SLC13A3: variants seen among roughly 807,000 people sequenced by gnomAD.
SLC13A3 encodes Na(+)/dicarboxylate cotransporter 3.
A neutral mutation model predicts 59.0 loss-of-function variants in SLC13A3; 40 were observed. The observed-to-expected ratio is 0.68, with a 90% CI of 0.53 to 0.88. The LOEUF is 0.88. SLC13A3 is among the 40% of genes least tolerant of loss of function. The pLI is 0.00. For synonymous variants in SLC13A3, 317 were observed against 330.3 expected (o/e 0.96, Z 0.44); for missense variants, 699 against 783.2 (o/e 0.89, Z 1.28).
At chr20:46,598,681 G>C (rs1282711879) in intron 4 of SLC13A3, among the ~76,000 whole-genome samples, 1 of 152,104 alleles carries the variant, frequency 6.6e-6, no homozygotes, top group African/African-American at 2.4e-5. Flanking sequence ...GATGAAACAG[G>C]CATAAGGTCA....
intron 1 of SLC13A3, among the ~76,000 whole-genome samples, chr20:46,681,266 T>C (rs1340005454): frequency 6.6e-6 from 1 of 152,194 alleles, no homozygotes; most frequent in Non-Finnish European, 1.5e-5. Flanking sequence ...GTCTCCCTCA[T>C]TACATGGTGC....
At chr20:46,664,347 A>T (rs1476562191) in intron 1 of SLC13A3, among the ~76,000 whole-genome samples, 3 of 152,152 alleles carry the variant, frequency 2.0e-5, no homozygotes, top group African/African-American at 7.2e-5. Flanking sequence ...TTGACACCCA[A>T]CAGCTTTGGG....
chr20:46,657,640 TAAAG>T (rs1329770978), intron 1 of SLC13A3, among the ~76,000 whole-genome samples: 1 of 152,084 alleles, frequency 6.6e-6, no homozygotes, highest in Non-Finnish European at 1.5e-5. Context: ...TGCATTGCTA[TAAAG>T]AAATATGTGA....
At chr20:46,639,355 G>A (rs954214376) in intron 1 of SLC13A3, among the ~76,000 whole-genome samples, 2 of 152,078 alleles carry the variant, frequency 1.3e-5, no homozygotes, top group South Asian at 2.1e-4. Flanking sequence ...CCAGCTACTC[G>A]GGAGGCTGAG....
At chr20:46,570,414 T>C (rs1166589278) in intron 10 of SLC13A3, among the ~76,000 whole-genome samples, 1 of 152,208 alleles carries the variant, frequency 6.6e-6, no homozygotes, top group Non-Finnish European at 1.5e-5. Context: ...ATTGAGAATA[T>C]TGAAGTAGAA....
rs1477437296 is a variant in SLC13A3 at position 46,610,665 on chromosome 20, C to T, written c.378-56G>A. 6 of 1,480,066 alleles carry T rather than the reference C, an allele frequency of 4.1e-6. No individual in the cohort carries two copies. The South Asian group carries it at 5.2e-5, about 13-fold the overall frequency. 91.7% of individuals were successfully genotyped at this position (1,480,066 alleles called of 1,614,324 possible). On this transcript the variant is annotated intron_variant, in intron 2 of 12. Coordinates refer to ENST00000279027, the MANE Select transcript of SLC13A3 (RefSeq NM_022829.6). ...CAGAACCCAGGGCCCAGGAGATCCT[C>T]TGGTCCCAGTTTGCCATCCCTGAGG...
chr20:46,650,373 A>C (rs2062940768), intron 1 of SLC13A3, among the ~76,000 whole-genome samples: 1 of 152,268 alleles, frequency 6.6e-6, no homozygotes, highest in Middle Eastern at 3.4e-3. Context: ...TCTCCTCTGG[A>C]AAATGGGTCA....
At chr20:46,679,958 A>G (rs2063146452) in intron 1 of SLC13A3, among the ~76,000 whole-genome samples, 1 of 151,780 alleles carries the variant, frequency 6.6e-6, no homozygotes, top group African/African-American at 2.4e-5. Flanking sequence ...TGCCTGGCAC[A>G]ATTTCTACCA....
chr20:46,652,583 A>G (rs1490114551), upstream of SLC13A3, among the ~76,000 whole-genome samples: 7 of 138,274 alleles, frequency 5.1e-5, no homozygotes, highest in Admixed American at 2.2e-4. Flanking sequence ...TTTAGTAGAG[A>G]TGGGGTTTCA....
At chr20:46,674,409 C>T (rs1186037595), upstream of SLC13A3, among the ~76,000 whole-genome samples, 1 of 152,114 alleles carries the variant, frequency 6.6e-6, no homozygotes, top group African/African-American at 2.4e-5. Flanking sequence ...GTTGACTAAC[C>T]CTGGGTTCTG....
At chr20:46,664,848 C>T (rs1213741759) in intron 1 of SLC13A3, among the ~76,000 whole-genome samples, 5 of 152,066 alleles carry the variant, frequency 3.3e-5, no homozygotes, top group Admixed American at 6.6e-5. Context: ...AGAAGTCAAA[C>T]GCAATGGCTT....
chr20:46,658,359 A>T (rs2063007453), intron 1 of SLC13A3, among the ~76,000 whole-genome samples: 1 of 152,214 alleles, frequency 6.6e-6, no homozygotes, highest in Non-Finnish European at 1.5e-5. Context: ...AAAAGACAGG[A>T]TCAACTGGAA....
intron 9 of SLC13A3, chr20:46,583,275 T>G (rs988818984): frequency 4.1e-6 from 3 of 725,140 alleles, no homozygotes; most frequent in Admixed American, 5.0e-5. Flanking sequence ...TAAAATGTTT[T>G]TCTTTTGGTT....
At chr20:46,616,183 T>G (rs2062552173) in intron 1 of SLC13A3, among the ~76,000 whole-genome samples, 2 of 152,202 alleles carry the variant, frequency 1.3e-5, no homozygotes, top group South Asian at 4.1e-4. Context: ...AGGTAAGATA[T>G]CTTTGAGAAT....
At chr20:46,673,358 C>G (rs898107184), upstream of SLC13A3, among the ~76,000 whole-genome samples, 1 of 152,214 alleles carries the variant, frequency 6.6e-6, no homozygotes, top group African/African-American at 2.4e-5. Flanking sequence ...AAGCACAGTG[C>G]TAGGCATTTA....
intron 1 of SLC13A3, among the ~76,000 whole-genome samples, chr20:46,647,482 C>T (rs1156329872): frequency 6.6e-6 from 1 of 152,154 alleles, no homozygotes; most frequent in Non-Finnish European, 1.5e-5. Context: ...CGCAGGATGG[C>T]CATTCTTGGA....
chr20:46,659,471 A>G (rs969201423), intron 1 of SLC13A3, among the ~76,000 whole-genome samples: 1 of 152,112 alleles, frequency 6.6e-6, no homozygotes, highest in African/African-American at 2.4e-5. Flanking sequence ...AATCCCAGCA[A>G]TCTGGGAGGC....
intron 12 of SLC13A3, among the ~76,000 whole-genome samples, chr20:46,560,424 C>G (rs1280130722): frequency 6.6e-6 from 1 of 152,202 alleles, no homozygotes; most frequent in Non-Finnish European, 1.5e-5. Flanking sequence ...TTGATGGCCT[C>G]TAGGTTCCAG....
chr20:46,601,479 C>G (rs1300594551), intron 3 of SLC13A3, among the ~76,000 whole-genome samples: 1 of 152,180 alleles, frequency 6.6e-6, no homozygotes, highest in East Asian at 1.9e-4. Flanking sequence ...CTCAGCAAAT[C>G]GCTATGGAGC....
Sources: gnomAD v4.1 joint callset for allele counts (sites outside exome capture counted in the v4.1 genomes callset) on GRCh38, gnomAD v4.1.1 for gene constraint, MANE v1.5 for transcripts, NCBI Gene and HGNC (gene_info 2026-07-23, HGNC 2026-07-21) for gene names.